The following DNAH14 variants were observed in gnomAD, a reference collection of about 807,000 sequenced individuals.
DNAH14 encodes the protein dynein axonemal heavy chain 14.
A neutral mutation model predicts 520.9 loss-of-function variants in DNAH14; 478 were observed. The observed-to-expected ratio is 0.92, with a 90% CI of 0.85 to 0.99. The LOEUF (loss-of-function observed/expected upper bound fraction) is 0.99. DNAH14 is among the 50% of genes least tolerant of loss of function. The probability of loss-of-function intolerance (pLI) is 0.00; values close to 1 mark genes in which losing one functional copy is unlikely to be tolerated. For synonymous variants in DNAH14, 1,581 were observed against 1,757.2 expected, an observed-to-expected ratio of 0.90 and a Z score of 2.51; for missense variants, 4,831 against 5,234.5, an observed-to-expected ratio of 0.92 and a Z score of 2.38.
intron 42 of DNAH14, among the ~76,000 whole-genome samples, chr1:225,233,271 T>A (rs1316771754): frequency 6.6e-6 from 1 of 152,188 alleles, no homozygotes; most frequent in Non-Finnish European, 1.5e-5. Flanking sequence ...TGAACATATG[T>A]GTGCGTGTAC....
At chr1:225,354,575 T>C (rs2095409610) in intron 73 of DNAH14, among the ~76,000 whole-genome samples, 2 of 152,290 alleles carry the variant, frequency 1.3e-5, no homozygotes, top group South Asian at 4.1e-4. Flanking sequence ...TTCCCTCATT[T>C]TACAGATTAG....
intron 1 of DNAH14, among the ~76,000 whole-genome samples, chr1:224,940,043 T>C (rs2059311065): frequency 1.3e-5 from 2 of 152,244 alleles, no homozygotes; most frequent in African/African-American, 4.8e-5. Flanking sequence ...TGCTGCTCTA[T>C]GTGGCATTGG....
rs764958406 is a variant in DNAH14 at position 225,388,347 on chromosome 1, A to G, written c.13078-32A>G. The G allele has an allele frequency of 2.2e-6, 3 of 1,388,140 alleles. No individual in the cohort carries two copies. The South Asian group carries it at 3.9e-5, about 18-fold the overall frequency. 86.0% of individuals were successfully genotyped at this position (1,388,140 alleles called of 1,614,324 possible). A position where few individuals can be genotyped will look rare whatever the true frequency, so the allele number is the denominator to read the frequency against. On this transcript the variant is annotated intron_variant, in intron 81 of 85. Transcript: ENST00000682510. ...CTAATGACCCCAAAGACAAAGAAAAAAAATGATGTGACTGTCTTTAAATCC... is the reference window on the plus strand; with the variant it reads ...CTAATGACCCCAAAGACAAAGAAAAGAAATGATGTGACTGTCTTTAAATCC...
intron 11 of DNAH14, among the ~76,000 whole-genome samples, chr1:225,037,922 A>G (rs552141794): frequency 4.6e-5 from 7 of 152,152 alleles, no homozygotes; most frequent in South Asian, 2.1e-4. Context: ...ACCTCAGGTG[A>G]TCTGATCTGC....
chr1:225,062,580 G>A (rs561942757), intron 17 of DNAH14, among the ~76,000 whole-genome samples: 15 of 152,116 alleles, frequency 9.9e-5, no homozygotes, highest in Non-Finnish European at 2.1e-4. Flanking sequence ...TCTGCCCTGG[G>A]GTCCTGTGAC....
intron 16 of DNAH14, among the ~76,000 whole-genome samples, chr1:225,051,246 T>A (rs1368959904): frequency 2.6e-5 from 4 of 152,208 alleles, no homozygotes; most frequent in Non-Finnish European, 5.9e-5. Flanking sequence ...CTAATAAGCC[T>A]TTAGGTAAAA....
At chr1:225,153,084 C>T (rs577428384) in intron 33 of DNAH14, among the ~76,000 whole-genome samples, 1 of 152,226 alleles carries the variant, frequency 6.6e-6, no homozygotes, top group South Asian at 2.1e-4. Flanking sequence ...ACTGTAAAAT[C>T]AGTCAAGGTT....
At chr1:225,181,171 T>C (rs557595689) in intron 36 of DNAH14, among the ~76,000 whole-genome samples, 1 of 152,348 alleles carries the variant, frequency 6.6e-6, no homozygotes, top group South Asian at 2.1e-4. Context: ...TTCTTTTTTA[T>C]GGATGCAGAG....
At chr1:225,112,800 T>C (rs2076583434) in intron 23 of DNAH14, among the ~76,000 whole-genome samples, 1 of 152,058 alleles carries the variant, frequency 6.6e-6, no homozygotes, top group South Asian at 2.1e-4. Context: ...TCAATTGCAT[T>C]TTTCAAATAC....
chr1:225,000,156 A>G (rs2063657740), intron 8 of DNAH14, among the ~76,000 whole-genome samples: 1 of 152,146 alleles, frequency 6.6e-6, no homozygotes, highest in East Asian at 1.9e-4. Context: ...CTCTTCATTC[A>G]TGAACATTTT....
chr1:225,088,725 A>G (rs1405544844), intron 21 of DNAH14, among the ~76,000 whole-genome samples: 2 of 152,210 alleles, frequency 1.3e-5, no homozygotes, highest in African/African-American at 2.4e-5. Context: ...CAGTGGGGAA[A>G]ATAGACAAAT....
At position 225,364,854 on chromosome 1, in the gene DNAH14, A is replaced by G. The variant is rs905662945; in HGVS notation, c.12050A>G (p.Tyr4017Cys). The G allele has an allele frequency of 3.6e-5, 56 of 1,549,002 alleles. No homozygotes were observed. The highest frequency in any genetic ancestry group is 4.8e-5 in the South Asian group (4 of 83,826). ...CGGCTATGGTTAAGCTCAAAATCAT[A>G]CAGTTCTTTTCCAATTCCTGTTCTT... The part of the protein sequence containing the change: ...EFRLWLSSKS[Y>C]SSFPIPVLKK... The change falls in exon 76 of 86, where the codon TAC becomes TGC. Residue 4017 changes from tyrosine (Y) to cysteine (C), a missense_variant. Tyr to Cys is a radical substitution (Grantham distance 194). Coordinates refer to ENST00000682510, the MANE Select transcript of DNAH14 (RefSeq NM_001367479.1).
At chr1:224,986,700 A>C (rs1405208128) in intron 8 of DNAH14, among the ~76,000 whole-genome samples, 1 of 152,204 alleles carries the variant, frequency 6.6e-6, no homozygotes, top group Non-Finnish European at 1.5e-5. Context: ...GCCATGTATG[A>C]CAGATTCACA....
Position 225,240,687 on chromosome 1 carries a change from G to A in DNAH14, c.6613G>A (p.Gly2205Arg). The stretch of plus-strand genomic sequence containing the variant: ...GTTTGCCTTTACTTGGGCATTTGGA[G>A]GAGCTTTAAACCGTGAAGATGAACA... ...FVFAFTWAFG[G>R]ALNREDEHRE... Residue 2205 changes from glycine to arginine, a missense_variant, in exon 43 of 86, where the codon GGA (glycine) becomes AGA (arginine). Transcript: ENST00000682510. 1.3e-6 allele frequency: 2 copies of A among 1,550,938 alleles called. No homozygotes were observed. The highest frequency in any genetic ancestry group is 8.7e-7 in the Non-Finnish European group (1 of 1,146,564).
chr1:225,110,561 TTTC>T (rs1415714674), intron 23 of DNAH14, among the ~76,000 whole-genome samples: 4 of 120,574 alleles, frequency 3.3e-5, no homozygotes, highest in African/African-American at 3.0e-4. Flanking sequence ...TTGGGTCTTC[TTTC>T]TTTTTTTTTC....
chr1:225,381,802 G>A (rs1345018455), intron 81 of DNAH14, among the ~76,000 whole-genome samples: 1 of 152,230 alleles, frequency 6.6e-6, no homozygotes, highest in Non-Finnish European at 1.5e-5. Context: ...ATCTGTGTAT[G>A]TGAACTATGT....
intron 1 of DNAH14, among the ~76,000 whole-genome samples, chr1:224,940,773 G>A (rs530310451): frequency 6.8e-6 from 1 of 147,932 alleles, no homozygotes; most frequent in African/African-American, 2.5e-5. Flanking sequence ...CATGTGTTTA[G>A]TTTTTTGTCC....
chr1:225,214,507 G>A (rs12740176), intron 41 of DNAH14, among the ~76,000 whole-genome samples: 19,462 of 152,140 alleles, frequency 0.13, 1,409 homozygotes, highest in East Asian at 0.31. Context: ...TGTACCTCTG[G>A]TAGAATTCAG....
At chr1:225,185,748 C>A (rs896968330) in intron 37 of DNAH14, among the ~76,000 whole-genome samples, 4 of 151,492 alleles carry the variant, frequency 2.6e-5, no homozygotes, top group Non-Finnish European at 5.9e-5. Context: ...TATATAACTT[C>A]TCTTCTTAAT....
Sources: gnomAD v4.1 joint callset for allele counts (sites outside exome capture counted in the v4.1 genomes callset) on GRCh38, gnomAD v4.1.1 for gene constraint, MANE v1.5 for transcripts, NCBI Gene and HGNC (gene_info 2026-07-23, HGNC 2026-07-21) for gene names.